ZFYVE27: variants seen among roughly 807,000 people sequenced by gnomAD.
The protein encoded by ZFYVE27 is protrudin.
ZFYVE27 carries 36 observed loss-of-function variants against 52.8 expected under a neutral mutation model. The observed-to-expected ratio is 0.68, with a 90% confidence interval of 0.52 to 0.90. The LOEUF (loss-of-function observed/expected upper bound fraction) is 0.90. Ranked by LOEUF, ZFYVE27 falls within the 40% of genes least tolerant of loss-of-function variation. The pLI, the probability that ZFYVE27 is intolerant of heterozygous loss-of-function variation, is 0.00. For synonymous variants in ZFYVE27, 223 were observed against 215.6 expected (o/e 1.03, Z -0.30); for missense variants, 450 against 527.2 (o/e 0.85, Z 1.43).
At chr10:97,754,786 G>A (rs1156906418) in intron 10 of ZFYVE27, 1 of 1,289,390 alleles carries the variant, frequency 7.8e-7, no homozygotes, top group South Asian at 1.2e-5. Context: ...GCAGTGCCCG[G>A]TAACACTACA....
At position 97,759,444 on chromosome 10, in the gene ZFYVE27, C is replaced by A. The variant is rs376690954; in HGVS notation, c.*144C>A. On this transcript the variant is annotated 3_prime_UTR_variant, in exon 13 of 13. Transcript: ENST00000684270. ...AGGCTTCCCCTTCCTTCCTCACTCT[C>A]TCCAGCTGGATTCTGGAGCTGTTCT... The A allele has an allele frequency of 1.2e-6, 1 of 826,410 alleles. No individual in the cohort carries two copies. Among genetic ancestry groups the A allele is most frequent in the Non-Finnish European group, 2.0e-6 (1 of 491,226 alleles). The allele number at this position is 826,410 out of a possible 1,614,324, so 51.2% of individuals were successfully genotyped here. A position where few individuals can be genotyped will look rare whatever the true frequency, so the allele number is the denominator to read the frequency against.
rs777563040 is a variant in ZFYVE27, at chr10:97,759,312, A to G, written c.*12A>G. 1.9e-6 allele frequency: 3 copies of G among 1,614,036 alleles called. No individual in the cohort carries two copies. In the South Asian group the frequency reaches 3.3e-5, roughly 18 times the overall value. On this transcript the variant is annotated 3_prime_UTR_variant, in exon 13 of 13. Transcript: ENST00000684270. ...CCTTGAGCAAGTGAGAAGAGAGGCC[A>G]GGGTCCAACCAGGCACCCGTCCTTG...
intron 11 of ZFYVE27, 80 bp downstream of exon 11, chr10:97,757,391 G>A: frequency 6.2e-7 from 1 of 1,600,982 alleles, no homozygotes; most frequent in South Asian, 1.1e-5. Context: ...GGGAGTCATT[G>A]AGAAAGTCTG....
In ZFYVE27 at chr10:97,760,567, CCTG is replaced by C. The variant is rs2049315809; in HGVS notation, c.*1268_*1270del. ...GACTCTTCCCTGGAGTCATGGGCTG[CCTG>C]GGACCCAGGACCCATGAGGGGGCTG... On this transcript the variant is annotated 3_prime_UTR_variant, in exon 13 of 13. Transcript: ENST00000684270. 1 of 152,212 alleles carries C rather than the reference CCTG, an allele frequency of 6.6e-6. No individual in the cohort carries two copies. Among genetic ancestry groups the C allele is most frequent in the African/African-American group, 2.4e-5 (1 of 41,404 alleles). 9.4% of individuals were successfully genotyped at this position (152,212 alleles called of 1,614,324 possible).
At chr10:97,746,034 T>C (rs942940640) in intron 4 of ZFYVE27, among the ~76,000 whole-genome samples, 6 of 69,898 alleles carry the variant, frequency 8.6e-5, no homozygotes, top group African/African-American at 4.0e-4. Context: ...TACACATATA[T>C]ATATATATAT....
intron 10 of ZFYVE27, chr10:97,754,841 TAC>T: frequency 7.8e-7 from 1 of 1,287,990 alleles, no homozygotes; most frequent in Non-Finnish European, 1.0e-6. Flanking sequence ...TGTCTATTTC[TAC>T]AACTTCTAAG....
At position 97,741,204 on chromosome 10, in the gene ZFYVE27, C is replaced by T. The variant is rs986460568; in HGVS notation, c.198-1890C>T. Among the ~76,000 whole-genome samples the T allele has an allele frequency of 3.9e-5, 6 of 152,136 alleles. No individual in the cohort carries two copies. In the South Asian group the frequency reaches 8.3e-4, roughly 21 times the overall value. On this transcript the variant is annotated intron_variant, in intron 2 of 12. Coordinates refer to ENST00000684270, the MANE Select transcript of ZFYVE27 (RefSeq NM_001385875.1). ...TCAACCATTGTGGAAGACAATGTGG[C>T]GATTCCTCAAGGATCTGGAAGCAGA...
At chr10:97,747,993 A>G (rs1359677614) in intron 4 of ZFYVE27, among the ~76,000 whole-genome samples, 2 of 152,196 alleles carry the variant, frequency 1.3e-5, no homozygotes, top group Non-Finnish European at 2.9e-5. Flanking sequence ...GGAGAATTTC[A>G]GTAGCCTGCC....
rs1303434219 is a variant in ZFYVE27 at position 97,757,743 on chromosome 10, G to T, written c.1171+20G>T. ...CCACAGGTGAGTGGTGCAGGTGGTG[G>T]GAGGGCTTGGTTGGTATCCCGCCCA... On this transcript the variant is annotated intron_variant, in intron 12 of 12. Transcript: ENST00000684270. The T allele has an allele frequency of 6.2e-7, 1 of 1,613,928 alleles. No homozygotes were observed. Among genetic ancestry groups the T allele is most frequent in the South Asian group, 1.1e-5 (1 of 91,082 alleles).
At chr10:97,750,750 T>C (rs2046749610) in intron 7 of ZFYVE27, among the ~76,000 whole-genome samples, 1 of 150,288 alleles carries the variant, frequency 6.7e-6, no homozygotes, top group Non-Finnish European at 1.5e-5. Context: ...TTTTTTTTCC[T>C]TTTTTTTTGA....
intron 10 of ZFYVE27, among the ~76,000 whole-genome samples, chr10:97,754,250 T>C (rs143925420): frequency 1.3e-5 from 2 of 152,062 alleles, no homozygotes; most frequent in Non-Finnish European, 2.9e-5. Context: ...TTTCTCAGGA[T>C]TAGATGTCCT....
At chr10:97,745,565 T>G (rs1426100136) in intron 4 of ZFYVE27, among the ~76,000 whole-genome samples, 2 of 152,220 alleles carry the variant, frequency 1.3e-5, no homozygotes, top group African/African-American at 2.4e-5. Context: ...TCCCAGCTCT[T>G]CCATTTACTT....
intron 8 of ZFYVE27, among the ~76,000 whole-genome samples, chr10:97,752,259 G>C (rs2047180127): frequency 6.6e-6 from 1 of 152,172 alleles, no homozygotes; most frequent in Non-Finnish European, 1.5e-5. Flanking sequence ...TTGTAAAGTG[G>C]GAAATTGAGA....
intron 4 of ZFYVE27, among the ~76,000 whole-genome samples, chr10:97,747,699 A>G (rs1393107045): frequency 6.6e-6 from 1 of 152,136 alleles, no homozygotes; most frequent in Non-Finnish European, 1.5e-5. Context: ...CCTTTATGGT[A>G]CAACAGGATG....
At position 97,745,024 on chromosome 10, in the gene ZFYVE27, CT is replaced by C. The variant is rs2044797080; in HGVS notation, c.455+111del. On this transcript the variant is annotated intron_variant, in intron 4 of 12. Coordinates refer to ENST00000684270, the MANE Select transcript of ZFYVE27 (RefSeq NM_001385875.1). ...CATATTAGGCAAACCACAGCTGTTA[CT>C]TCATTTAACCTTTTTAACAGTTCCG... is the stretch of plus-strand genomic sequence containing the variant. 4.7e-6 allele frequency: 6 copies of C among 1,286,244 alleles called. No individual in the cohort carries two copies. In the Admixed American group the frequency reaches 1.2e-4, roughly 26 times the overall value. The allele number at this position is 1,286,244 out of a possible 1,614,324, so 79.7% of individuals were successfully genotyped here.
At chr10:97,759,197 C>A (rs1163823917) in intron 12 of ZFYVE27, 39 bp from the exon 13 acceptor site, 2 of 1,612,032 alleles carry the variant, frequency 1.2e-6, no homozygotes, top group Middle Eastern at 3.3e-4. Flanking sequence ...AACCAAAGGG[C>A]GCAAGGAAAT....
chr10:97,737,499 G>T (rs1288561568), intron 1 of ZFYVE27, among the ~76,000 whole-genome samples, 178 bp downstream of exon 1: 3 of 152,276 alleles, frequency 2.0e-5, no homozygotes, highest in African/African-American at 7.2e-5. Flanking sequence ...GCCAAGGCCA[G>T]TGCGGGCGTC....
Position 97,744,781 on chromosome 10 carries a change from C to T in ZFYVE27, c.321C>T (p.Gly107=), listed in dbSNP as rs752868351. The T allele has an allele frequency of 3.7e-6, 6 of 1,614,074 alleles. No homozygotes were observed. In the Middle Eastern group the frequency reaches 6.7e-4, roughly 181 times the overall value. ...ALMISVPALL[G]YLQEVCRARL... ...TGATTTCAGTGCCCGCCCTGCTGGG[C>T]TACCTTCAGGAGGTTTGCCGGGCAC... The change falls in exon 4 of 13, where the codon GGC becomes GGT. Residue 107 remains glycine (G), a synonymous_variant. Coordinates refer to ENST00000684270, the MANE Select transcript of ZFYVE27 (RefSeq NM_001385875.1).
intron 3 of ZFYVE27, among the ~76,000 whole-genome samples, chr10:97,744,257 G>A (rs1342377893): frequency 2.6e-5 from 4 of 152,128 alleles, no homozygotes; most frequent in South Asian, 2.1e-4. Context: ...ATTTTATCTC[G>A]GCTTCGCCAT....
Sources: allele counts gnomAD v4.1 joint callset (sites outside exome capture counted in the v4.1 genomes callset), GRCh38; gene constraint gnomAD v4.1.1; transcripts MANE v1.5; gene names NCBI Gene and HGNC (gene_info 2026-07-23, HGNC 2026-07-21).